SPATA22: variants seen among roughly 807,000 people sequenced by gnomAD.
The protein encoded by SPATA22 is spermatogenesis-associated protein 22.
Under a neutral mutation model 47.8 loss-of-function variants are expected in SPATA22, and 29 were observed. That is an observed-to-expected ratio of 0.61 (90% confidence interval 0.45 to 0.83). The LOEUF (loss-of-function observed/expected upper bound fraction) is 0.83, where lower values mean the gene tolerates loss of function less well. Ranked by LOEUF, SPATA22 falls within the 40% of genes least tolerant of loss-of-function variation. The pLI, the probability that SPATA22 is intolerant of heterozygous loss-of-function variation, is 0.00. For synonymous variants in SPATA22, 133 were observed against 140.9 expected (o/e 0.94, Z 0.40); for missense variants, 410 against 421.7 (o/e 0.97, Z 0.24).
upstream of SPATA22, among the ~76,000 whole-genome samples, chr17:3,473,746 C>A (rs2073482598): frequency 6.6e-6 from 1 of 152,132 alleles, no homozygotes; most frequent in African/African-American, 2.4e-5. Flanking sequence ...GATCCGCCCA[C>A]CTCGGCCTCC....
chr17:3,460,698 T>C (rs1286301679), intron 5 of SPATA22, among the ~76,000 whole-genome samples: 1 of 143,600 alleles, frequency 7.0e-6, no homozygotes, highest in Non-Finnish European at 1.5e-5. Flanking sequence ...GAGGCTGAGG[T>C]AGGAGGATTG....
At chr17:3,466,261 G>A (rs577637339) in intron 3 of SPATA22, among the ~76,000 whole-genome samples, 1 of 151,054 alleles carries the variant, frequency 6.6e-6, no homozygotes, top group South Asian at 2.1e-4. Context: ...TTTTTAAAAT[G>A]TGCCCCCAAA....
chr17:3,481,663 A>C, intron 1 of SPATA22: 1 of 1,613,936 alleles, frequency 6.2e-7, no homozygotes, highest in Non-Finnish European at 8.5e-7. Flanking sequence ...TAAATCATTT[A>C]TTTGGTCCAA....
chr17:3,510,924 T>C (rs2074104679), intron 1 of SPATA22: 1 of 152,230 alleles, frequency 6.6e-6, no homozygotes, highest in Non-Finnish European at 1.5e-5. Flanking sequence ...TTCTCCCACA[T>C]CCCAGGGAGG....
chr17:3,495,100 A>T (rs1301035487), intron 1 of SPATA22, among the ~76,000 whole-genome samples: 1 of 152,148 alleles, frequency 6.6e-6, no homozygotes, highest in Non-Finnish European at 1.5e-5. Flanking sequence ...AGGAAAAAAA[A>T]AAGGCTCTTG....
intron 3 of SPATA22, 76 bp from the exon 4 acceptor site, chr17:3,462,843 A>T: frequency 8.4e-7 from 1 of 1,189,890 alleles, no homozygotes; most frequent in African/African-American, 1.5e-5. Flanking sequence ...TACTTATTTA[A>T]TTTGGAGGGT....
chr17:3,465,949 A>G (rs1353053442), intron 3 of SPATA22, among the ~76,000 whole-genome samples: 1 of 152,190 alleles, frequency 6.6e-6, no homozygotes, highest in East Asian at 1.9e-4. Flanking sequence ...GTCAACATTC[A>G]TGCTACTTAT....
At chr17:3,463,982 CCCACGGTCTCCCTCTCCCTCTGTTT>C (rs1488966631) in intron 3 of SPATA22, among the ~76,000 whole-genome samples, 4 of 141,806 alleles carry the variant, frequency 2.8e-5, no homozygotes, top group South Asian at 2.3e-4. Context: ...TCTCCCTCTC[CCCACGGTCTCCCTCTCCCTCTGTTT>C]CCACGGTCTC....
intron 1 of SPATA22, among the ~76,000 whole-genome samples, chr17:3,478,376 A>G (rs2073568325): frequency 6.6e-6 from 1 of 152,210 alleles, no homozygotes; most frequent in South Asian, 2.1e-4. Flanking sequence ...TTTCAGGGCA[A>G]TTATACTGCA....
At chr17:3,497,292 G>A (rs531627130) in intron 1 of SPATA22, among the ~76,000 whole-genome samples, 7 of 152,104 alleles carry the variant, frequency 4.6e-5, no homozygotes, top group South Asian at 4.1e-4. Flanking sequence ...AAAAACCACC[G>A]GTTCAGAGAA....
At chr17:3,460,893 T>C (rs978307167) in intron 5 of SPATA22, among the ~76,000 whole-genome samples, 6 of 151,678 alleles carry the variant, frequency 4.0e-5, no homozygotes, top group African/African-American at 1.2e-4. Context: ...ACAAGCTCAA[T>C]GTCTCCTCAG....
chr17:3,447,369 A>T (rs192019180), intron 6 of SPATA22, among the ~76,000 whole-genome samples: 4 of 152,184 alleles, frequency 2.6e-5, no homozygotes, highest in Non-Finnish European at 5.9e-5. Context: ...TGTGAAGAAC[A>T]TATGATGGGA....
chr17:3,495,569 TTTTTGTTTTTG>T (rs1418578578), intron 1 of SPATA22, among the ~76,000 whole-genome samples: 2 of 151,902 alleles, frequency 1.3e-5, no homozygotes, highest in African/African-American at 4.8e-5. Context: ...TTTGTTTTTG[TTTTTGTTTTTG>T]TTTTTTGAGA....
At chr17:3,512,743 A>T (rs2074130321) in intron 1 of SPATA22, 1 of 152,108 alleles carries the variant, frequency 6.6e-6, no homozygotes, top group Non-Finnish European at 1.5e-5. Flanking sequence ...GGACCTAAAA[A>T]TAAGCTCAAA....
intron 1 of SPATA22, chr17:3,502,334 G>C (rs972380670): frequency 1.3e-5 from 2 of 152,236 alleles, no homozygotes; most frequent in African/African-American, 4.8e-5. Context: ...AAAAATATGT[G>C]TGGCTCATCT....
intron 3 of SPATA22, among the ~76,000 whole-genome samples, chr17:3,463,455 T>C (rs928988182): frequency 1.3e-5 from 2 of 152,118 alleles, no homozygotes; most frequent in African/African-American, 2.4e-5. Context: ...TAAACATATC[T>C]AAACATAGAA....
chr17:3,483,397 T>C, intron 1 of SPATA22: 1 of 969,090 alleles, frequency 1.0e-6, no homozygotes, highest in East Asian at 2.4e-5. Context: ...CCAATCTTAG[T>C]TGATGAAGTA....
At chr17:3,510,573 C>T (rs534662273) in intron 1 of SPATA22, 2 of 152,310 alleles carry the variant, frequency 1.3e-5, no homozygotes, top group South Asian at 4.1e-4. Flanking sequence ...TGTTCTTACT[C>T]TTTGTATGAT....
At chr17:3,468,346 T>C (rs1183797349) in intron 2 of SPATA22, 2 of 152,206 alleles carry the variant, frequency 1.3e-5, no homozygotes, top group African/African-American at 4.8e-5. Flanking sequence ...TGGAAGAATC[T>C]AGATAGGACA....
Sources: allele counts gnomAD v4.1 joint callset (sites outside exome capture counted in the v4.1 genomes callset), GRCh38; gene constraint gnomAD v4.1.1; transcripts MANE v1.5; gene names NCBI Gene and HGNC (gene_info 2026-07-23, HGNC 2026-07-21).